The following SETX variants were observed in gnomAD, a reference collection of about 807,000 sequenced individuals.
SETX encodes senataxin.
In SETX, 90 loss-of-function variants were observed where a neutral mutation model predicts 227.2. The observed-to-expected ratio is 0.40, with a 90% confidence interval of 0.33 to 0.47. The LOEUF is 0.47. Ranked by LOEUF, SETX falls within the 20% of genes least tolerant of loss-of-function variation. The pLI, the probability that SETX is intolerant of heterozygous loss-of-function variation, is 0.91. For synonymous variants in SETX, 1,210 were observed against 1,113.2 expected (o/e 1.09, Z -1.73); for missense variants, 3,052 against 3,181.5 (o/e 0.96, Z 0.98).
chr9:132,271,916 T>C, intron 23 of SETX, 108 bp from the exon 24 acceptor site: 1 of 898,150 alleles, frequency 1.1e-6, no homozygotes, highest in Non-Finnish European at 1.7e-6. Flanking sequence ...GGAGTCTCAC[T>C]CTGTCGCCCA....
rs1589761961 is a variant in SETX at position 132,336,322 on chromosome 9, G to A, written c.692C>T (p.Thr231Ile). Residue 231 changes from threonine to isoleucine, a missense_variant, in exon 6 of 26, where the codon ACT (threonine) becomes ATT (isoleucine). By Grantham distance (89) the Thr-to-Ile change is moderately conservative. This residue lies in a region of SETX where 239 missense variants were observed against 240.8 expected (regional missense o/e 0.99). Transcript: ENST00000224140. ...LILLPSHMYD[T>I]TNYKSYWLGI... ...TAACCAATAGCTTTTGTAGTTGGTA[G>A]TATCATACATGTGTGAGGGCAGAAG... The A allele has an allele frequency of 6.2e-7, 1 of 1,613,452 alleles. No homozygotes were observed. Among genetic ancestry groups the A allele is most frequent in the Non-Finnish European group, 8.5e-7 (1 of 1,179,378 alleles).
chr9:132,292,416 A>C (rs1419190402), intron 15 of SETX, among the ~76,000 whole-genome samples: 2 of 110,268 alleles, frequency 1.8e-5, no homozygotes, highest in Non-Finnish European at 3.4e-5. Flanking sequence ...GCTGGGGTAC[A>C]AAAAAAAAAA....
chr9:132,278,297 A>C, intron 20 of SETX, 40 bp from the exon 21 acceptor site: 1 of 1,595,154 alleles, frequency 6.3e-7, no homozygotes, highest in South Asian at 1.1e-5. Flanking sequence ...CCAAGAATTC[A>C]TTTATATCTT....
In SETX at chr9:132,283,336, A is replaced by G. The variant is rs1216377543; in HGVS notation, c.6474T>C (p.Ser2158=). The G allele has an allele frequency of 6.2e-6, 10 of 1,614,124 alleles. No individual in the cohort carries two copies. Among genetic ancestry groups the G allele is most frequent in the African/African-American group, 2.7e-5 (2 of 75,048 alleles). The change falls in exon 19 of 26, where the codon AGT becomes AGC. Residue 2158 remains serine (S), a synonymous_variant. Transcript: ENST00000224140. ...AAGCAGACTCAAGTAGTAAACCACCACTTGTGCTCAACGTGCAGCAGATGA... is the reference window on the plus strand; with the variant it reads ...AAGCAGACTCAAGTAGTAAACCACCGCTTGTGCTCAACGTGCAGCAGATGA... ...SHIICCTLST[S]GGLLLESAFR... is the part of the protein sequence containing the mutation.
intron 11 of SETX, among the ~76,000 whole-genome samples, chr9:132,306,637 A>G (rs772484153): frequency 6.6e-6 from 1 of 152,228 alleles, no homozygotes; most frequent in Non-Finnish European, 1.5e-5. Context: ...GCTTTTTAAA[A>G]TTCATCTTTG....
At chr9:132,354,390 G>A (rs1405963212) in intron 1 of SETX, among the ~76,000 whole-genome samples, 2 of 151,834 alleles carry the variant, frequency 1.3e-5, no homozygotes, top group South Asian at 2.1e-4. Flanking sequence ...CAGTTACTCG[G>A]GGGGATGAGG....
At position 132,262,197 on chromosome 9, in the gene SETX, T is replaced by G. The variant is rs1842435801; in HGVS notation, c.*2042A>C. On this transcript the variant is annotated 3_prime_UTR_variant, in exon 26 of 26. Coordinates refer to ENST00000224140, the MANE Select transcript of SETX (RefSeq NM_015046.7). ...CGTAAGAACAGGCATCAAACTTCACTGGAAATAATATTGTTCAGTGTGTGG... is the reference window on the plus strand; with the variant it reads ...CGTAAGAACAGGCATCAAACTTCACGGGAAATAATATTGTTCAGTGTGTGG... 6.6e-6 allele frequency: 1 copy of G among 152,228 alleles called. No individual in the cohort carries two copies. Among genetic ancestry groups the G allele is most frequent in the Non-Finnish European group, 1.5e-5 (1 of 68,050 alleles). 9.4% of individuals were successfully genotyped at this position (152,228 alleles called of 1,614,324 possible).
chr9:132,278,810 A>T (rs1843331326), intron 20 of SETX, among the ~76,000 whole-genome samples: 1 of 152,226 alleles, frequency 6.6e-6, no homozygotes, highest in Non-Finnish European at 1.5e-5. Context: ...CCTCACAGAC[A>T]GACATATTGA....
chr9:132,273,574 T>C (rs1013381663), intron 23 of SETX, among the ~76,000 whole-genome samples: 2 of 152,274 alleles, frequency 1.3e-5, no homozygotes, highest in Non-Finnish European at 2.9e-5. Flanking sequence ...TTTGATGCTA[T>C]TGTAAATGGA....
chr9:132,265,219 C>CTTTT (rs1159856237), intron 25 of SETX, among the ~76,000 whole-genome samples: 5 of 128,496 alleles, frequency 3.9e-5, no homozygotes, highest in South Asian at 2.4e-4. Flanking sequence ...AGAACTTCAA[C>CTTTT]TTTTGTTTTT....
rs192432480 is a variant in SETX at position 132,331,160 on chromosome 9, A to T, written c.1011-21T>A. ...TGGTCCTTAAATATTAAGAATAAAT[A>T]GAAATTACTGAAACGAAGGGGGAAA... On this transcript the variant is annotated intron_variant, in intron 8 of 25. Coordinates refer to ENST00000224140, the MANE Select transcript of SETX (RefSeq NM_015046.7). 282 of 1,610,022 alleles carry T rather than the reference A, an allele frequency of 1.8e-4. 3 individuals are homozygous for T. In the African/African-American group the frequency reaches 1.9e-3, roughly 11 times the overall value.
At chr9:132,338,734 TGTTA>T (rs945984312) in intron 5 of SETX, among the ~76,000 whole-genome samples, 41 of 152,296 alleles carry the variant, frequency 2.7e-4, no homozygotes, top group African/African-American at 9.4e-4. Flanking sequence ...TTTTTTGTAT[TGTTA>T]GTAATATGAT....
chr9:132,285,156 C>A (rs1041315810), intron 18 of SETX, among the ~76,000 whole-genome samples: 3 of 151,980 alleles, frequency 2.0e-5, no homozygotes, highest in African/African-American at 7.2e-5. Flanking sequence ...GGAGTACAGG[C>A]GTGAGCCACC....
chr9:132,283,618 C>T (rs45617335), intron 18 of SETX, among the ~76,000 whole-genome samples: 1,813 of 152,216 alleles, frequency 0.012, 15 homozygotes, highest in Non-Finnish European at 0.018. Flanking sequence ...GTGTGCTTCG[C>T]GGCTGAAACA....
rs373324070 is a variant in SETX, at chr9:132,296,895, G to A, written c.5941C>T (p.Leu1981=). 2.4e-5 allele frequency: 38 copies of A among 1,613,898 alleles called. No individual in the cohort carries two copies. The African/African-American group carries it at 4.8e-4, about 20-fold the overall frequency. The change falls in exon 14 of 26, where the codon CTG becomes TTG. Residue 1981 remains leucine, a synonymous_variant. Coordinates refer to ENST00000224140, the MANE Select transcript of SETX (RefSeq NM_015046.7). Reference sequence around the variant, plus strand: ...CCCTCACCCATACCTACCTCTGTCAGTAGACGATAGAGGAGGCCAACAATA... The same window carrying A: ...CCCTCACCCATACCTACCTCTGTCAATAGACGATAGAGGAGGCCAACAATA... ...KTIVGLLYRL[L]TENQRKGHSD... is the part of the protein sequence containing the mutation.
At chr9:132,292,164 CA>C (rs1192210116) in intron 15 of SETX, among the ~76,000 whole-genome samples, 1 of 152,002 alleles carries the variant, frequency 6.6e-6, no homozygotes, top group Admixed American at 6.6e-5. Context: ...CAAACGTGGT[CA>C]GGGGCAGTGT....
At chr9:132,347,928 C>A (rs906018321) in intron 3 of SETX, among the ~76,000 whole-genome samples, 1 of 151,784 alleles carries the variant, frequency 6.6e-6, no homozygotes, top group Non-Finnish European at 1.5e-5. Context: ...ATAAATAAAC[C>A]AAATATTCAA....
chr9:132,331,917 G>C (rs1847262000), intron 7 of SETX, among the ~76,000 whole-genome samples: 1 of 152,164 alleles, frequency 6.6e-6, no homozygotes, highest in Non-Finnish European at 1.5e-5. Context: ...CATAATACAA[G>C]AAATTCTCTT....
At chr9:132,338,596 A>G (rs140784055) in intron 5 of SETX, among the ~76,000 whole-genome samples, 28 of 152,318 alleles carry the variant, frequency 1.8e-4, no homozygotes, top group African/African-American at 6.3e-4. Flanking sequence ...CACAAAAATA[A>G]AATGGTATAT....
Sources: allele counts gnomAD v4.1 joint callset (sites outside exome capture counted in the v4.1 genomes callset), GRCh38; gene constraint gnomAD v4.1.1; regional missense constraint gnomAD v4.1.1; transcripts MANE v1.5; gene names NCBI Gene and HGNC (gene_info 2026-07-23, HGNC 2026-07-21).